The following UCHL5 variants were observed in gnomAD, a reference collection of about 807,000 sequenced individuals.
The protein encoded by UCHL5 is ubiquitin C-terminal hydrolase L5, also known as ubiquitin carboxyl-terminal hydrolase isozyme L5.
Under a neutral mutation model 53.8 loss-of-function variants are expected in UCHL5, and 34 were observed. The ratio of observed to expected loss-of-function variants is 0.63; its 90% CI spans 0.48 to 0.84. UCHL5 has a LOEUF of 0.84. Among genes scored for constraint, UCHL5 ranks in the 40% least tolerant of loss-of-function variants. The probability of loss-of-function intolerance (pLI) is 0.00; values close to 1 mark genes in which losing one functional copy is unlikely to be tolerated. For synonymous variants in UCHL5, 111 were observed against 126.3 expected, an observed-to-expected ratio of 0.88 and a Z score of 0.81; for missense variants, 290 against 385.6, an observed-to-expected ratio of 0.75 and a Z score of 2.08.
At chr1:193,021,646 T>C (rs1018732118) in intron 9 of UCHL5, among the ~76,000 whole-genome samples, 1 of 152,188 alleles carries the variant, frequency 6.6e-6, no homozygotes, top group Admixed American at 6.5e-5. Flanking sequence ...TGGAAAACTA[T>C]GCACTGTCTA....
At chr1:193,059,628 C>T (rs776699194), upstream of UCHL5, 3 of 1,405,622 alleles carry the variant, frequency 2.1e-6, no homozygotes, top group Non-Finnish European at 1.9e-6. The surrounding 1 kb of genome is among the most constrained non-coding windows in gnomAD (Gnocchi z 4.9). Flanking sequence ...TCCCGGGAAC[C>T]GAACCTGGAA....
At chr1:193,055,031 A>T (rs1670176970) in intron 1 of UCHL5, among the ~76,000 whole-genome samples, 1 of 152,162 alleles carries the variant, frequency 6.6e-6, no homozygotes, top group Admixed American at 6.5e-5. Context: ...TTTGGCACCA[A>T]CCCTGTCGGT....
upstream of UCHL5, chr1:193,059,955 C>G: frequency 2.9e-6 from 4 of 1,366,456 alleles, no homozygotes; most frequent in Non-Finnish European, 3.9e-6. This position sits in a 1 kb window ranked among gnomAD's most constrained non-coding sequence, Gnocchi z 4.9. Flanking sequence ...GTAACGGAAC[C>G]AGCATCGCGG....
At chr1:193,034,479 C>T (rs1026777769) in intron 3 of UCHL5, among the ~76,000 whole-genome samples, 1 of 151,874 alleles carries the variant, frequency 6.6e-6, no homozygotes, top group Non-Finnish European at 1.5e-5. Flanking sequence ...AAGAAAATAC[C>T]AGGCCTACAT....
At chr1:193,033,944 T>C (rs1662454113) in intron 3 of UCHL5, among the ~76,000 whole-genome samples, 1 of 152,180 alleles carries the variant, frequency 6.6e-6, no homozygotes, top group Admixed American at 6.5e-5. Context: ...CAAGAGACAA[T>C]GAGCATATTG....
intron 10 of UCHL5, chr1:193,018,510 T>C (rs1260497080): frequency 9.1e-7 from 1 of 1,098,202 alleles, no homozygotes; most frequent in Non-Finnish European, 1.1e-6. Flanking sequence ...CTAGGCAGTT[T>C]TTAAATGTGG....
chr1:193,035,346 GA>G (rs929574075), intron 3 of UCHL5, among the ~76,000 whole-genome samples: 1 of 151,838 alleles, frequency 6.6e-6, no homozygotes, highest in African/African-American at 2.4e-5. Context: ...GGCAGTAAGG[GA>G]AAACAAGCAA....
Position 193,016,223 on chromosome 1 carries a change from A to C in UCHL5, c.*128T>G. The C allele has an allele frequency of 1.0e-6, 1 of 1,002,534 alleles. No homozygotes were observed. Among genetic ancestry groups the C allele is most frequent in the African/African-American group, 1.7e-5 (1 of 59,634 alleles). The allele number at this position is 1,002,534 out of a possible 1,614,324, so 62.1% of individuals were successfully genotyped here. A position where few individuals can be genotyped will look rare whatever the true frequency, so the allele number is the denominator to read the frequency against. ...GTTTATGAATCCATGCATTAAAGAC[A>C]AGACAGGCTGGCACTATTGCCAAAC... On this transcript the variant is annotated 3_prime_UTR_variant, in exon 11 of 11. Transcript: ENST00000367454.
At chr1:193,024,767 T>C (rs1304821433) in intron 7 of UCHL5, among the ~76,000 whole-genome samples, 1 of 151,910 alleles carries the variant, frequency 6.6e-6, no homozygotes, top group Non-Finnish European at 1.5e-5. Flanking sequence ...AAGATGAAAA[T>C]ATATAGAAAA....
intron 6 of UCHL5, 27 bp from the exon 7 acceptor site, chr1:193,028,175 C>A: frequency 6.5e-7 from 1 of 1,543,132 alleles, no homozygotes; most frequent in Non-Finnish European, 8.7e-7. Context: ...AAACAGTTAA[C>A]ACAAATAAAA....
At chr1:193,040,407 T>C (rs1421013246) in intron 3 of UCHL5, among the ~76,000 whole-genome samples, 1 of 152,122 alleles carries the variant, frequency 6.6e-6, no homozygotes, top group African/African-American at 2.4e-5. Flanking sequence ...CTCAACATCA[T>C]TAATCATCAG....
intron 3 of UCHL5, among the ~76,000 whole-genome samples, chr1:193,045,854 A>G (rs941321959): frequency 3.3e-5 from 5 of 152,248 alleles, no homozygotes; most frequent in African/African-American, 1.2e-4. Context: ...CATTGAAAAA[A>G]TAAAAACATT....
At chr1:193,031,608 A>G (rs974551074) in intron 3 of UCHL5, among the ~76,000 whole-genome samples, 1 of 152,184 alleles carries the variant, frequency 6.6e-6, no homozygotes, top group Non-Finnish European at 1.5e-5. Flanking sequence ...TGGTTATGCT[A>G]TACATAGTAC....
At position 193,028,148 on chromosome 1, in the gene UCHL5, C is replaced by A; in HGVS notation, c.566G>T (p.Gly189Val). 6.3e-7 allele frequency: 1 copy of A among 1,583,240 alleles called. No individual in the cohort carries two copies. Among genetic ancestry groups the A allele is most frequent in the South Asian group, 1.2e-5 (1 of 84,118 alleles). The change falls in exon 7 of 11, where the codon GGT (glycine) becomes GTT (valine). Residue 189 changes from glycine (G) to valine (V), a missense_variant and splice_region_variant. By Grantham distance (109) the Gly-to-Val change is moderately radical. Transcript: ENST00000367454. ...DGLREGPIDL[G>V]ACNQDDWISA... The stretch of plus-strand genomic sequence containing the variant: ...GATCCAATCATCTTGATTGCATGCA[C>A]CTAGAAAGAAATTTTAAAACAGTTA...
rs775287489 is a variant in UCHL5, at chr1:193,059,061, G to T, written c.76+124C>A. 152 of 953,246 alleles carry T rather than the reference G, an allele frequency of 1.6e-4. No individual in the cohort carries two copies. The highest frequency in any genetic ancestry group is 2.2e-4 in the Non-Finnish European group (147 of 655,034). The allele number at this position is 953,246 out of a possible 1,614,324, so 59.0% of individuals were successfully genotyped here. A position where few individuals can be genotyped will look rare whatever the true frequency, so the allele number is the denominator to read the frequency against. ...AGAACATCTACATTTCCCCCACCCG[G>T]ACTCCAGGTTCCTGAAGTCACCTCT... On this transcript the variant is annotated intron_variant, in intron 1 of 10. Transcript: ENST00000367454. The surrounding 1 kb of genome is among the most constrained non-coding windows in gnomAD (Gnocchi z 4.9).
chr1:193,034,622 C>T (rs780687453), intron 3 of UCHL5, among the ~76,000 whole-genome samples: 12 of 151,824 alleles, frequency 7.9e-5, no homozygotes, highest in African/African-American at 1.2e-4. Flanking sequence ...AATACTAAAA[C>T]GAGTCAAAGC....
At chr1:193,052,808 T>G (rs1669482691) in intron 1 of UCHL5, among the ~76,000 whole-genome samples, 1 of 152,216 alleles carries the variant, frequency 6.6e-6, no homozygotes, top group African/African-American at 2.4e-5. Context: ...TTACCAAAGT[T>G]TTTTATGTCC....
intron 10 of UCHL5, 79 bp downstream of exon 10, chr1:193,021,018 C>G: frequency 8.7e-7 from 1 of 1,147,842 alleles, no homozygotes; most frequent in Non-Finnish European, 1.2e-6. Context: ...TACCTCTATT[C>G]AAGCAAAAAA....
rs574003199 is a variant in UCHL5 at position 193,024,200 on chromosome 1, G to T, written c.630-254C>A. On this transcript the variant is annotated intron_variant, in intron 7 of 10. Transcript: ENST00000367454. ...GGAGGCTGCAGTGAGCTATGATAGTGCACTATACTCCAGTCTGGGCAACAG... is the reference window on the plus strand; with the variant it reads ...GGAGGCTGCAGTGAGCTATGATAGTTCACTATACTCCAGTCTGGGCAACAG... 3.8e-4 allele frequency among the ~76,000 whole-genome samples: 58 copies of T among 151,208 alleles called. No homozygotes were observed. The East Asian group carries it at 7.0e-3, about 18-fold the overall frequency.
Sources: allele counts gnomAD v4.1 joint callset (sites outside exome capture counted in the v4.1 genomes callset), GRCh38; gene constraint gnomAD v4.1.1; non-coding constraint Gnocchi (gnomAD v3.1); transcripts MANE v1.5; gene names NCBI Gene and HGNC (gene_info 2026-07-23, HGNC 2026-07-21).